Variants in RBM12 observed in about 807,000 individuals in gnomAD.
The protein encoded by RBM12 is RNA-binding protein 12.
Under a neutral mutation model 37.2 loss-of-function variants are expected in RBM12, and 24 were observed. That is an observed-to-expected ratio of 0.65 (90% CI 0.47 to 0.91). RBM12 has a LOEUF of 0.91. RBM12 is among the 40% of genes least tolerant of loss of function. RBM12 has a pLI of 0.00. For missense variants in RBM12, 1,061 were observed against 1,183.2 expected (o/e 0.90, Z 1.52); for synonymous variants, 420 against 425.2 (o/e 0.99, Z 0.15).
rs1246662867 is a variant in RBM12 at position 35,652,796 on chromosome 20, G to T, written c.2527C>A (p.Pro843Thr). 3 of 1,609,094 alleles carry T rather than the reference G, an allele frequency of 1.9e-6. No individual in the cohort carries two copies. Among genetic ancestry groups the T allele is most frequent in the Non-Finnish European group, 2.5e-6 (3 of 1,177,394 alleles). Residue 843 changes from proline (P) to threonine (T), a missense_variant, in exon 3 of 3, where the codon CCC (proline) becomes ACC (threonine). Pro to Thr is a conservative substitution (Grantham distance 38, BLOSUM62 -1). Transcript: ENST00000374114. ...PGPGPIHIGGPPGFASSSGKP... is the reference protein window; with the variant it reads ...PGPGPIHIGGTPGFASSSGKP... ...CCAGAACTAGATGCAAAGCCAGGGG[G>T]ACCACCAATATGGATTGGGCCAGGG...
intron 1 of RBM12, among the ~76,000 whole-genome samples, chr20:35,661,437 A>G (rs1428064561): frequency 6.6e-6 from 1 of 152,228 alleles, no homozygotes; most frequent in Non-Finnish European, 1.5e-5. Context: ...AACATCTAAA[A>G]TACATATTCT....
At chr20:35,663,623 T>TA (rs2034357520) in intron 1 of RBM12, among the ~76,000 whole-genome samples, 1 of 152,156 alleles carries the variant, frequency 6.6e-6, no homozygotes, top group South Asian at 2.1e-4. Flanking sequence ...AGAAATCTCT[T>TA]AAAGTCTGCA....
chr20:35,664,355 C>T (rs112041905), intron 1 of RBM12: 8,213 of 152,338 alleles, frequency 0.054, 296 homozygotes, highest in South Asian at 0.18. Flanking sequence ...GATTATCTCC[C>T]CACCTCCAGG....
intron 1 of RBM12, among the ~76,000 whole-genome samples, chr20:35,662,620 A>C (rs2034292140): frequency 6.6e-6 from 1 of 152,228 alleles, no homozygotes; most frequent in Non-Finnish European, 1.5e-5. Context: ...TTCCTACAAC[A>C]TCTACAGAAG....
chr20:35,664,127 G>T (rs938091485), intron 1 of RBM12, among the ~76,000 whole-genome samples: 1 of 150,680 alleles, frequency 6.6e-6, no homozygotes, highest in Admixed American at 6.6e-5. Context: ...CTACACCCTC[G>T]AGTAAAGCCC....
At chr20:35,659,770 A>T (rs1199318009) in intron 1 of RBM12, among the ~76,000 whole-genome samples, 1 of 152,226 alleles carries the variant, frequency 6.6e-6, no homozygotes, top group African/African-American at 2.4e-5. Flanking sequence ...CATTTCTTCC[A>T]AACTGGTGAG....
At chr20:35,656,670 G>A (rs538209257) in intron 2 of RBM12, among the ~76,000 whole-genome samples, 3 of 152,272 alleles carry the variant, frequency 2.0e-5, no homozygotes, top group Admixed American at 2.0e-4. Context: ...AAGTAGCTGG[G>A]ATTACAGGCA....
chr20:35,650,536 T>C lies in RBM12; in HGVS notation c.*1988A>G, dbSNP rs2033427849. The C allele has an allele frequency of 6.6e-6, 1 of 152,488 alleles. No homozygotes were observed. The highest frequency in any genetic ancestry group is 2.4e-5 in the African/African-American group (1 of 41,444). The allele number at this position is 152,488 out of a possible 1,614,324, so 9.4% of individuals were successfully genotyped here. A position where few individuals can be genotyped will look rare whatever the true frequency, so the allele number is the denominator to read the frequency against. ...TGGAATGAGAAATGATTACTTAACATTAACTTAAATTAAACAGCATATACA... is the reference window on the plus strand; with the variant it reads ...TGGAATGAGAAATGATTACTTAACACTAACTTAAATTAAACAGCATATACA... On this transcript the variant is annotated 3_prime_UTR_variant, in exon 3 of 3. Coordinates refer to ENST00000374114, the MANE Select transcript of RBM12 (RefSeq NM_006047.6).
Position 35,652,604 on chromosome 20 carries a change from G to C in RBM12, c.2719C>G (p.Arg907Gly), listed in dbSNP as rs771201211. 6.2e-7 allele frequency: 1 copy of C among 1,614,136 alleles called. No homozygotes were observed. The highest frequency in any genetic ancestry group is 8.5e-7 in the Non-Finnish European group (1 of 1,180,000). Residue 907 changes from arginine (R) to glycine (G), a missense_variant, in exon 3 of 3, where the codon CGG becomes GGG. By Grantham distance (125) the Arg-to-Gly change is moderately radical (BLOSUM62 -2). Transcript: ENST00000374114. ...ATGACAGCAGCTGTGGCTTCATCCC[G>C]AGACTCAAAGGCCACCATGGCTTCA... ...TGEAMVAFES[R>G]DEATAAVIDL...
At chr20:35,664,661 C>G (rs2034440779) in intron 1 of RBM12, 99 bp downstream of exon 1, 1 of 152,488 alleles carries the variant, frequency 6.6e-6, no homozygotes, top group Admixed American at 6.5e-5. Flanking sequence ...GCGCTAGTTG[C>G]CGCGGGCTCG....
Position 35,653,093 on chromosome 20 carries a change from C to T in RBM12, c.2230G>A (p.Gly744Ser). 4.3e-6 allele frequency: 7 copies of T among 1,613,878 alleles called. No individual in the cohort carries two copies. The highest frequency in any genetic ancestry group is 5.9e-6 in the Non-Finnish European group (7 of 1,180,026). ...GGCCTAGCATCACCAAAGGCCCCGC[C>T]TCCTAATCCTGGAGGAGGGATTGGT... ...GPPIPPPGLG[G>S]GAFGDARPGM... The change falls in exon 3 of 3, where the codon GGC becomes AGC. Residue 744 changes from glycine (G) to serine (S), a missense_variant. By Grantham distance (56) the Gly-to-Ser change is moderately conservative (BLOSUM62 0). This residue lies in a region of RBM12 where 517 missense variants were observed against 534.0 expected (regional missense o/e 0.97). Coordinates refer to ENST00000374114, the MANE Select transcript of RBM12 (RefSeq NM_006047.6).
chr20:35,663,370 T>G (rs977464142), intron 1 of RBM12, among the ~76,000 whole-genome samples: 1 of 152,246 alleles, frequency 6.6e-6, no homozygotes. Flanking sequence ...AGACAATTCT[T>G]GTTGCTAAGA....
intron 2 of RBM12, among the ~76,000 whole-genome samples, chr20:35,658,610 A>C (rs1300960669): frequency 6.6e-6 from 1 of 152,020 alleles, no homozygotes; most frequent in African/African-American, 2.4e-5. Flanking sequence ...AATACAAAAA[A>C]ATTAGCCGGG....
Position 35,652,678 on chromosome 20 carries a change from A to T in RBM12, c.2645T>A (p.Ile882Asn), listed in dbSNP as rs762449065. 1 of 1,614,166 alleles carries T rather than the reference A, an allele frequency of 6.2e-7. No homozygotes were observed. Among genetic ancestry groups the T allele is most frequent in the Non-Finnish European group, 8.5e-7 (1 of 1,179,992 alleles). Residue 882 changes from isoleucine to asparagine, a missense_variant, in exon 3 of 3, where the codon ATC becomes AAC. Physicochemically the swap from Ile to Asn is moderately radical, Grantham distance 149. Coordinates refer to ENST00000374114, the MANE Select transcript of RBM12 (RefSeq NM_006047.6). ...GTATTTTAAACACACTGAGCCTGGGATTACTTGATAGCCATAAAAGAAATC... is the reference window on the plus strand; with the variant it reads ...GTATTTTAAACACACTGAGCCTGGGTTTACTTGATAGCCATAAAAGAAATC... ...ILDFFYGYQV[I>N]PGSVCLKYNE...
chr20:35,653,703 G>GT lies in RBM12; in HGVS notation c.1619dup (p.Asn540LysfsTer32), dbSNP rs1568936163. On this transcript the variant is annotated frameshift_variant, in exon 3 of 3. Transcript: ENST00000374114. LOFTEE classifies it high-confidence loss of function. The stretch of plus-strand genomic sequence containing the variant: ...TTATGTGGGCACAGACTTTGGCAGA[G>GT]TTGACATCCCCCTCTGGATTTAGTA... The GT allele has an allele frequency of 6.2e-7, 1 of 1,614,228 alleles. No homozygotes were observed.
chr20:35,652,515 T>C lies in RBM12; in HGVS notation c.*9A>G. The C allele has an allele frequency of 8.7e-6, 14 of 1,600,982 alleles. No individual in the cohort carries two copies. Among genetic ancestry groups the C allele is most frequent in the Non-Finnish European group, 1.1e-5 (13 of 1,175,090 alleles). On this transcript the variant is annotated 3_prime_UTR_variant, in exon 3 of 3. Transcript: ENST00000374114. Reference sequence around the variant, plus strand: ...TGAAGATCTACCCTATAAAAAATGATGTGAATGGCTACCCTAATACAAGTT... The same window carrying C: ...TGAAGATCTACCCTATAAAAAATGACGTGAATGGCTACCCTAATACAAGTT...
rs1370928453 is a variant in RBM12, at chr20:35,651,383, CTT to C, written c.*1139_*1140del. On this transcript the variant is annotated 3_prime_UTR_variant, in exon 3 of 3. Transcript: ENST00000374114. ...GCTGCACTTGTACTCTGTATGAAGA[CTT>C]TTAGTAAACAGGCTCCTGATCGAAC... 1 of 152,180 alleles carries C rather than the reference CTT, an allele frequency of 6.6e-6. No homozygotes were observed. Among genetic ancestry groups the C allele is most frequent in the Admixed American group, 6.6e-5 (1 of 15,262 alleles). 9.4% of individuals were successfully genotyped at this position (152,180 alleles called of 1,614,324 possible).
chr20:35,655,315 A>G lies in RBM12; in HGVS notation c.8T>C (p.Val3Ala). ...TGGGAGACCTTGCAAACGGATGACC[A>G]CAGCCATGCTGCGCTGAAACCACAC... is the stretch of plus-strand genomic sequence containing the variant. Reference protein sequence around the residue: MAVVIRLQGLPIV... With the variant: MAAVIRLQGLPIV... The change falls in exon 3 of 3, where the codon GTG (valine) becomes GCG (alanine). Residue 3 changes from valine (V) to alanine (A), a missense_variant. Physicochemically the swap from Val to Ala is moderately conservative, Grantham distance 64. Transcript: ENST00000374114. 1 of 1,607,364 alleles carries G rather than the reference A, an allele frequency of 6.2e-7. No homozygotes were observed. The highest frequency in any genetic ancestry group is 8.5e-7 in the Non-Finnish European group (1 of 1,179,568).
chr20:35,654,500 T>C lies in RBM12; in HGVS notation c.823A>G (p.Met275Val), dbSNP rs749204558. Residue 275 changes from methionine (M) to valine (V), a missense_variant, in exon 3 of 3, where the codon ATG becomes GTG. Met to Val is a conservative substitution (Grantham distance 21). Coordinates refer to ENST00000374114, the MANE Select transcript of RBM12 (RefSeq NM_006047.6). ...ACAGGATTCAACGGACCAAGAAACA[T>C]AGGATTCAGATTATTGTTCAAATTC... ...PMNLNNNLNP[M>V]FLGPLNPVNP... 60 of 1,613,982 alleles carry C rather than the reference T, an allele frequency of 3.7e-5. No individual in the cohort carries two copies. Among genetic ancestry groups the C allele is most frequent in the East Asian group, 1.3e-4 (6 of 44,892 alleles).
Sources: gnomAD v4.1 joint callset for allele counts (sites outside exome capture counted in the v4.1 genomes callset) on GRCh38, gnomAD v4.1.1 for gene constraint, gnomAD v4.1.1 regional missense constraint, MANE v1.5 for transcripts, NCBI Gene and HGNC (gene_info 2026-07-23, HGNC 2026-07-21) for gene names.